Variants in KCNIP4 observed in about 807,000 individuals in gnomAD.
KCNIP4 encodes Kv channel-interacting protein 4.
A neutral mutation model predicts 34.0 loss-of-function variants in KCNIP4; 12 were observed. The ratio of observed to expected loss-of-function variants is 0.35; its 90% CI spans 0.23 to 0.57. KCNIP4 has a LOEUF of 0.57. Ranked by LOEUF, KCNIP4 falls within the 20% of genes least tolerant of loss-of-function variation. The pLI, the probability that KCNIP4 is intolerant of heterozygous loss-of-function variation, is 0.83. For synonymous variants in KCNIP4, 124 were observed against 102.2 expected (o/e 1.21, Z -1.29); for missense variants, 238 against 311.7 (o/e 0.76, Z 1.78).
At chr4:21,002,912 A>C (rs990446643) in intron 1 of KCNIP4, among the ~76,000 whole-genome samples, 2 of 152,222 alleles carry the variant, frequency 1.3e-5, no homozygotes, top group African/African-American at 4.8e-5. Flanking sequence ...CCTGGATCAC[A>C]TCTTAACCTA....
intron 2 of KCNIP4, among the ~76,000 whole-genome samples, chr4:20,872,307 T>C (rs1275939793): frequency 6.6e-6 from 1 of 152,144 alleles, no homozygotes; most frequent in African/African-American, 2.4e-5. Flanking sequence ...TCTCCAGAAC[T>C]CATCTTTTGT....
intron 1 of KCNIP4, among the ~76,000 whole-genome samples, chr4:21,665,888 G>A (rs568250048): frequency 6.6e-6 from 1 of 152,180 alleles, no homozygotes; most frequent in Admixed American, 6.6e-5. Flanking sequence ...GACCATACAT[G>A]GCGCCCCTTT....
Position 21,638,364 on chromosome 4 carries a change from AT to A in KCNIP4, c.61+310206del, listed in dbSNP as rs950103800. ...CTCAATGCACAGTCTAGGTTCAAAGATTTTTTTTCTCTGGCTGCACTTGGTG... is the reference window on the plus strand; with the variant it reads ...CTCAATGCACAGTCTAGGTTCAAAGATTTTTTTCTCTGGCTGCACTTGGTG... On this transcript the variant is annotated intron_variant, in intron 1 of 8. Transcript: ENST00000382152. Among the ~76,000 whole-genome samples, 11 of 152,068 alleles carry A rather than the reference AT, an allele frequency of 7.2e-5. 1 individual carries two copies. The South Asian group carries it at 2.1e-3, about 29-fold the overall frequency.
intron 1 of KCNIP4, among the ~76,000 whole-genome samples, chr4:21,777,788 A>T (rs1050861635): frequency 3.3e-5 from 5 of 152,244 alleles, no homozygotes; most frequent in African/African-American, 9.6e-5. Context: ...TTTTAAACAC[A>T]TCAGTTCTTT....
intron 5 of KCNIP4, among the ~76,000 whole-genome samples, chr4:20,741,637 C>T (rs1419279566): frequency 1.3e-5 from 2 of 152,148 alleles, no homozygotes; most frequent in African/African-American, 4.8e-5. Context: ...AAAATCAACA[C>T]CCTAACATCA....
intron 1 of KCNIP4, among the ~76,000 whole-genome samples, chr4:21,743,227 G>A (rs923445335): frequency 1.3e-5 from 2 of 152,056 alleles, no homozygotes; most frequent in Non-Finnish European, 2.9e-5. Flanking sequence ...TAAAATCAAG[G>A]TGTTGGCAGG....
chr4:21,830,588 C>T (rs1358811864), intron 1 of KCNIP4, among the ~76,000 whole-genome samples: 2 of 152,060 alleles, frequency 1.3e-5, no homozygotes, highest in Non-Finnish European at 2.9e-5. Context: ...GCTGGAGAAC[C>T]TCTTGAACCT....
At chr4:20,922,549 CTA>C (rs1729506588) in intron 1 of KCNIP4, among the ~76,000 whole-genome samples, 1 of 43,464 alleles carries the variant, frequency 2.3e-5, no homozygotes, top group Non-Finnish European at 4.6e-5. Context: ...GTCTGTCTGT[CTA>C]TCTATCTATC....
chr4:21,887,107 A>G (rs1387554616), intron 1 of KCNIP4, among the ~76,000 whole-genome samples: 2 of 152,162 alleles, frequency 1.3e-5, no homozygotes, highest in African/African-American at 4.8e-5. Context: ...TAGACTCTAG[A>G]CACAAAATAC....
chr4:21,149,028 G>A (rs1752583337), intron 1 of KCNIP4, among the ~76,000 whole-genome samples: 2 of 152,090 alleles, frequency 1.3e-5, no homozygotes, highest in African/African-American at 4.8e-5. Flanking sequence ...TTGCTTAGGA[G>A]GAATTACATA....
intron 1 of KCNIP4, among the ~76,000 whole-genome samples, chr4:21,114,223 G>A (rs1183748969): frequency 2.0e-5 from 3 of 152,152 alleles, no homozygotes; most frequent in African/African-American, 7.2e-5. Flanking sequence ...TTGAGCCAAG[G>A]AGATTATCAA....
chr4:21,512,639 T>A (rs985827023), intron 1 of KCNIP4, among the ~76,000 whole-genome samples: 1 of 152,158 alleles, frequency 6.6e-6, no homozygotes, highest in African/African-American at 2.4e-5. Context: ...TACATGAGAA[T>A]CAAATGGCAA....
At chr4:21,140,599 A>G (rs1026095346) in intron 1 of KCNIP4, among the ~76,000 whole-genome samples, 1 of 152,142 alleles carries the variant, frequency 6.6e-6, no homozygotes, top group African/African-American at 2.4e-5. Flanking sequence ...ATTTAATAAT[A>G]ATAATACATA....
At chr4:20,793,679 A>T (rs1362426334) in intron 3 of KCNIP4, among the ~76,000 whole-genome samples, 1 of 152,068 alleles carries the variant, frequency 6.6e-6, no homozygotes, top group East Asian at 1.9e-4. Flanking sequence ...GATTTCTCTT[A>T]TTATTACATT....
intron 2 of KCNIP4, among the ~76,000 whole-genome samples, chr4:20,880,275 C>T (rs1226737864): frequency 2.0e-5 from 3 of 151,988 alleles, no homozygotes; most frequent in African/African-American, 7.3e-5. Flanking sequence ...ATTGACTGTC[C>T]TGAACATGAG....
At chr4:21,415,264 G>T (rs561722402) in intron 1 of KCNIP4, among the ~76,000 whole-genome samples, 1 of 151,988 alleles carries the variant, frequency 6.6e-6, no homozygotes, top group African/African-American at 2.4e-5. Context: ...TAGAATCAAA[G>T]AGTGGAATGA....
At chr4:20,965,622 G>A (rs2149667735) in intron 1 of KCNIP4, among the ~76,000 whole-genome samples, 1 of 152,172 alleles carries the variant, frequency 6.6e-6, no homozygotes, top group South Asian at 2.1e-4. Context: ...TGTTTTCATG[G>A]AAAAATGTAT....
At chr4:20,943,048 G>A (rs1731805965) in intron 1 of KCNIP4, among the ~76,000 whole-genome samples, 1 of 152,182 alleles carries the variant, frequency 6.6e-6, no homozygotes, top group South Asian at 2.1e-4. Context: ...AGATCAATAT[G>A]TTTGATTAAG....
chr4:21,948,540 G>A (rs1306134577), intron 1 of KCNIP4, 31 bp downstream of exon 1: 1 of 1,603,854 alleles, frequency 6.2e-7, no homozygotes, highest in Non-Finnish European at 8.5e-7. Flanking sequence ...GGCGGAAGCG[G>A]GCGCCCGCTC....
Sources: gnomAD v4.1 joint callset for allele counts (sites outside exome capture counted in the v4.1 genomes callset) on GRCh38, gnomAD v4.1.1 for gene constraint, MANE v1.5 for transcripts, NCBI Gene and HGNC (gene_info 2026-07-23, HGNC 2026-07-21) for gene names.